The following ARID1B variants were observed in gnomAD, a reference collection of about 807,000 sequenced individuals.
ARID1B encodes AT-rich interactive domain-containing protein 1B.
A neutral mutation model predicts 212.3 loss-of-function variants in ARID1B; 30 were observed. The observed-to-expected ratio is 0.14, with a 90% CI of 0.11 to 0.19. The LOEUF (loss-of-function observed/expected upper bound fraction) is 0.19. ARID1B is among the 10% of genes least tolerant of loss of function. The pLI, the probability that ARID1B is intolerant of heterozygous loss-of-function variation, is 1.00. For synonymous variants in ARID1B, 1,402 were observed against 1,301.7 expected, an observed-to-expected ratio of 1.08 and a Z score of -1.66; for missense variants, 2,891 against 3,204.0, an observed-to-expected ratio of 0.90 and a Z score of 2.36.
chr6:157,047,669 G>A (rs1782328525), intron 4 of ARID1B, among the ~76,000 whole-genome samples: 2 of 152,210 alleles, frequency 1.3e-5, no homozygotes, highest in African/African-American at 4.8e-5. Context: ...CTATGTGTCT[G>A]AAAAGTGGTC....
At chr6:157,039,421 C>T (rs1197710049) in intron 4 of ARID1B, among the ~76,000 whole-genome samples, 3 of 145,298 alleles carry the variant, frequency 2.1e-5, no homozygotes, top group Non-Finnish European at 4.5e-5. Context: ...AGCTCCGCTT[C>T]CCGGGTTCAC....
At chr6:156,907,775 G>A (rs887655225) in intron 3 of ARID1B, among the ~76,000 whole-genome samples, 2 of 151,378 alleles carry the variant, frequency 1.3e-5, no homozygotes, top group African/African-American at 4.8e-5. Context: ...AGGCATGTTG[G>A]CACACATCTG....
At position 157,204,097 on chromosome 6, in the gene ARID1B, C is replaced by A. The variant is rs570273121; in HGVS notation, c.5394+101C>A. On this transcript the variant is annotated intron_variant, in intron 19 of 19. Transcript: ENST00000636930. ...AATGCCTGAGTTGATGAGCACTGAC[C>A]GTCCAACACTGTTAATCACTGCAGT... 57 of 1,440,060 alleles carry A rather than the reference C, an allele frequency of 4.0e-5. 1 individual carries two copies. In the African/African-American group the frequency reaches 7.2e-4, roughly 18 times the overall value. 89.2% of individuals were successfully genotyped at this position (1,440,060 alleles called of 1,614,324 possible).
At chr6:156,887,261 C>T (rs1391625487) in intron 2 of ARID1B, among the ~76,000 whole-genome samples, 1 of 152,202 alleles carries the variant, frequency 6.6e-6, no homozygotes, top group Non-Finnish European at 1.5e-5. Flanking sequence ...CGTACCAATG[C>T]TGGCTCTTCC....
At chr6:156,791,889 C>T (rs1363320526) in intron 1 of ARID1B, among the ~76,000 whole-genome samples, 1 of 152,150 alleles carries the variant, frequency 6.6e-6, no homozygotes, top group African/African-American at 2.4e-5. Context: ...TTTTGACTCT[C>T]CTCTTTCTCT....
chr6:156,829,673 T>G, intron 2 of ARID1B: 4 of 391,406 alleles, frequency 1.0e-5, no homozygotes, highest in East Asian at 4.3e-5. Context: ...ATAGGTGCAC[T>G]GTGTCATAAA....
At chr6:157,057,732 G>T (rs907475928) in intron 4 of ARID1B, among the ~76,000 whole-genome samples, 2 of 152,206 alleles carry the variant, frequency 1.3e-5, no homozygotes, top group Non-Finnish European at 2.9e-5. Context: ...ATTTAAAAAC[G>T]TATATAAAGC....
chr6:157,039,322 C>CTTTCTTTTTT (rs1781547108), intron 4 of ARID1B, among the ~76,000 whole-genome samples: 3 of 102,976 alleles, frequency 2.9e-5, no homozygotes, highest in Non-Finnish European at 5.9e-5. Context: ...TTTGACATTT[C>CTTTCTTTTTT]TTTTTTTTTT....
intron 3 of ARID1B, among the ~76,000 whole-genome samples, chr6:156,910,861 C>T (rs1343849186): frequency 6.6e-6 from 1 of 152,092 alleles, no homozygotes; most frequent in Non-Finnish European, 1.5e-5. Flanking sequence ...TCTAGTGTCT[C>T]CTTTATTCTT....
Position 156,944,881 on chromosome 6 carries a change from G to A in ARID1B, c.2247+9305G>A, listed in dbSNP as rs187632094. Among the ~76,000 whole-genome samples, 419 of 151,642 alleles carry A rather than the reference G, an allele frequency of 2.8e-3. 1 individual carries two copies. The highest frequency in any genetic ancestry group is 9.6e-3 in the African/African-American group (395 of 41,358). On this transcript the variant is annotated intron_variant, in intron 4 of 19. Transcript: ENST00000636930. ...GCTGTTTTCCTGGAGAATGCCTCCT[G>A]CATCCCCTGCAAGCTTTTTCTTCTT...
chr6:157,186,033 T>C (rs569203129), intron 13 of ARID1B: 2 of 153,762 alleles, frequency 1.3e-5, no homozygotes, highest in African/African-American at 4.8e-5. Context: ...TTTTCCAAAA[T>C]AAAAACCCAG....
chr6:156,839,938 G>T (rs1783777961), intron 2 of ARID1B, among the ~76,000 whole-genome samples: 1 of 152,230 alleles, frequency 6.6e-6, no homozygotes, highest in Non-Finnish European at 1.5e-5. Flanking sequence ...GTGAATGCAC[G>T]CAGGCTGCAA....
At chr6:157,069,029 G>C (rs747556468) in intron 4 of ARID1B, among the ~76,000 whole-genome samples, 4 of 152,046 alleles carry the variant, frequency 2.6e-5, no homozygotes, top group Admixed American at 6.6e-5. Context: ...CAGTCATAAG[G>C]GTTTCTCTTC....
intron 4 of ARID1B, among the ~76,000 whole-genome samples, chr6:157,062,216 T>A (rs1783385447): frequency 6.6e-6 from 1 of 151,882 alleles, no homozygotes; most frequent in Admixed American, 6.6e-5. Flanking sequence ...TTTTTTTTTT[T>A]AGAGACAGAG....
At chr6:156,947,667 T>C (rs1351503523) in intron 4 of ARID1B, among the ~76,000 whole-genome samples, 1 of 151,288 alleles carries the variant, frequency 6.6e-6, no homozygotes, top group Non-Finnish European at 1.5e-5. Context: ...CCCCTCCCCC[T>C]ATTTTTTCTT....
At chr6:156,989,746 T>G (rs1778154787) in intron 4 of ARID1B, among the ~76,000 whole-genome samples, 1 of 152,234 alleles carries the variant, frequency 6.6e-6, no homozygotes, top group Non-Finnish European at 1.5e-5. Context: ...TTATTAAGTG[T>G]ACATCCAATA....
rs772564622 is a variant in ARID1B at position 157,148,646 on chromosome 6, G to A, written c.2784G>A (p.Ala928=). The A allele has an allele frequency of 1.4e-5, 23 of 1,597,012 alleles. No individual in the cohort carries two copies. Among genetic ancestry groups the A allele is most frequent in the South Asian group, 2.2e-5 (2 of 90,812 alleles). ...TAGGTAACTACTCCAGACCCCCAGCGTATAGTGGGGTGCCCAGTGCAAGCT... is the reference window on the plus strand; with the variant it reads ...TAGGTAACTACTCCAGACCCCCAGCATATAGTGGGGTGCCCAGTGCAAGCT... The part of the protein sequence containing the change: ...GPQGNYSRPP[A]YSGVPSASYS... The change falls in exon 8 of 20, where the codon GCG becomes GCA. Residue 928 remains alanine, a synonymous_variant. Coordinates refer to ENST00000636930, the MANE Select transcript of ARID1B (RefSeq NM_001374828.1). This position sits in a 1 kb window ranked among gnomAD's most constrained non-coding sequence, Gnocchi z 5.6.
At chr6:157,076,055 A>C (rs1784284105) in intron 4 of ARID1B, among the ~76,000 whole-genome samples, 1 of 152,228 alleles carries the variant, frequency 6.6e-6, no homozygotes, top group Non-Finnish European at 1.5e-5. Flanking sequence ...ATGTTATGTG[A>C]AATGTTGCTG....
chr6:156,777,915 C>G lies in ARID1B; in HGVS notation c.235C>G (p.Arg79Gly), dbSNP rs954424156. 3.3e-6 allele frequency: 5 copies of G among 1,518,366 alleles called. No homozygotes were observed. The highest frequency in any genetic ancestry group is 2.1e-5 in the Admixed American group (1 of 47,958). 94.1% of individuals were successfully genotyped at this position (1,518,366 alleles called of 1,614,324 possible). The change falls in exon 1 of 20, where the codon CGT becomes GGT. Residue 79 changes from arginine (R) to glycine (G), a missense_variant. Coordinates refer to ENST00000636930, the MANE Select transcript of ARID1B (RefSeq NM_001374828.1). Reference protein sequence around the residue: ...NSVHHHPLLPRHELNMAHNAG... With the variant: ...NSVHHHPLLPGHELNMAHNAG... ...TGTGCACCACCACCCCCTGCTCCCC[C>G]GTCACGAACTCAACATGGCCCATAA...
Sources: gnomAD v4.1 joint callset for allele counts (sites outside exome capture counted in the v4.1 genomes callset) on GRCh38, gnomAD v4.1.1 for gene constraint, Gnocchi (gnomAD v3.1) non-coding constraint, MANE v1.5 for transcripts, NCBI Gene and HGNC (gene_info 2026-07-23, HGNC 2026-07-21) for gene names.